Variants in SLIT2 observed in about 807,000 individuals in gnomAD.
SLIT2 encodes slit guidance ligand 2.
In SLIT2, 41 loss-of-function variants were observed where a neutral mutation model predicts 185.7. The observed-to-expected ratio is 0.22, with a 90% CI of 0.17 to 0.29. The LOEUF (loss-of-function observed/expected upper bound fraction) is 0.29. Among genes scored for constraint, SLIT2 ranks in the 10% least tolerant of loss-of-function variants. The pLI, the probability that SLIT2 is intolerant of heterozygous loss-of-function variation, is 1.00. For missense variants in SLIT2, 1,571 were observed against 1,909.0 expected, an observed-to-expected ratio of 0.82 and a Z score of 3.30; for synonymous variants, 693 against 680.2, an observed-to-expected ratio of 1.02 and a Z score of -0.29.
chr4:20,579,691 TA>T (rs954217479), intron 29 of SLIT2, among the ~76,000 whole-genome samples: 8 of 151,806 alleles, frequency 5.3e-5, no homozygotes, highest in Non-Finnish European at 8.8e-5. Flanking sequence ...GTTGGCGAAA[TA>T]AAAAAACCTC....
intron 4 of SLIT2, among the ~76,000 whole-genome samples, chr4:20,371,814 TAGAG>T (rs1723598911): frequency 6.6e-6 from 1 of 152,104 alleles, no homozygotes; most frequent in Admixed American, 6.6e-5. Flanking sequence ...TATGGAAATA[TAGAG>T]AGATTCAGCC....
At chr4:20,561,260 C>G (rs984502372) in intron 26 of SLIT2, among the ~76,000 whole-genome samples, 2 of 151,804 alleles carry the variant, frequency 1.3e-5, no homozygotes, top group Non-Finnish European at 2.9e-5. Flanking sequence ...TGGCATAACC[C>G]ATGATAATCA....
At chr4:20,416,255 C>G (rs1457554368) in intron 4 of SLIT2, among the ~76,000 whole-genome samples, 1 of 152,102 alleles carries the variant, frequency 6.6e-6, no homozygotes, top group Non-Finnish European at 1.5e-5. Flanking sequence ...TTCAAGGCAC[C>G]AGCAGATTTG....
intron 11 of SLIT2, among the ~76,000 whole-genome samples, chr4:20,511,595 T>TTTTTTTTTTTTTTTTTTTTTA (rs1211611464): frequency 7.3e-6 from 1 of 137,828 alleles, no homozygotes; most frequent in African/African-American, 2.7e-5. Flanking sequence ...TAATTTTTTT[T>TTTTTTTTTTTTTTTTTTTTTA]TTTTTTTTAT....
Position 20,569,176 on chromosome 4 carries a change from CA to C in SLIT2, c.3088+175del, listed in dbSNP as rs1725354052. On this transcript the variant is annotated intron_variant, in intron 29 of 36. Coordinates refer to ENST00000504154, the MANE Select transcript of SLIT2 (RefSeq NM_004787.4). ...GGACTTAAAGATAGTTTCAGCTAAC[CA>C]AATAAAAGACCCAGGAATCTCTGTT... 4.9e-6 allele frequency: 3 copies of C among 607,934 alleles called. No individual in the cohort carries two copies. In the South Asian group the frequency reaches 6.0e-5, roughly 12 times the overall value. The allele number at this position is 607,934 out of a possible 1,614,324, so 37.7% of individuals were successfully genotyped here. A position where few individuals can be genotyped will look rare whatever the true frequency, so the allele number is the denominator to read the frequency against.
At chr4:20,362,728 C>T (rs1004171068) in intron 4 of SLIT2, among the ~76,000 whole-genome samples, 1 of 151,852 alleles carries the variant, frequency 6.6e-6, no homozygotes, top group Admixed American at 6.6e-5. Context: ...AACAAACGCA[C>T]AAACATGGAT....
At chr4:20,458,088 C>CAAAAAAAA (rs10672353) in intron 4 of SLIT2, among the ~76,000 whole-genome samples, 1 of 112,910 alleles carries the variant, frequency 8.9e-6, no homozygotes. Context: ...ACACATTATG[C>CAAAAAAAA]AAAAAAAAAA....
intron 4 of SLIT2, among the ~76,000 whole-genome samples, chr4:20,402,963 T>G (rs989528651): frequency 5.3e-5 from 8 of 151,846 alleles, no homozygotes; most frequent in African/African-American, 1.9e-4. Context: ...TTTCTCGAGA[T>G]ATATCTAAAT....
intron 29 of SLIT2, among the ~76,000 whole-genome samples, chr4:20,581,803 G>A (rs1239964566): frequency 2.0e-5 from 3 of 152,150 alleles, no homozygotes. Context: ...GAGTAGTGCA[G>A]TGGTGCAATC....
intron 9 of SLIT2, among the ~76,000 whole-genome samples, chr4:20,495,730 C>T (rs143611821): frequency 2.6e-5 from 4 of 152,170 alleles, no homozygotes; most frequent in African/African-American, 9.6e-5. Flanking sequence ...AATTTTACTT[C>T]CCTGATTATT....
chr4:20,596,508 C>T lies in SLIT2; in HGVS notation c.3414C>T (p.Val1138=), dbSNP rs1727994384. 1 of 1,613,918 alleles carries T rather than the reference C, an allele frequency of 6.2e-7. No homozygotes were observed. Among genetic ancestry groups the T allele is most frequent in the Admixed American group, 1.7e-5 (1 of 60,002 alleles). Residue 1138 remains valine, a synonymous_variant, in exon 32 of 37, where the codon GTC becomes GTT. Coordinates refer to ENST00000504154, the MANE Select transcript of SLIT2 (RefSeq NM_004787.4). ...FDCQNGAQCI[V]RINEPICQCL... ...GTCAGAATGGAGCTCAGTGTATCGT[C>T]AGAATAAATGAGCCAATATGTCAGT...
At chr4:20,481,819 T>C (rs1216839432) in intron 6 of SLIT2, among the ~76,000 whole-genome samples, 1 of 151,980 alleles carries the variant, frequency 6.6e-6, no homozygotes, top group Non-Finnish European at 1.5e-5. Flanking sequence ...TGCAAGAAAA[T>C]AGAATTTCCA....
In SLIT2 at chr4:20,555,467, T is replaced by C. The variant is rs114084309; in HGVS notation, c.2725+1499T>C. On this transcript the variant is annotated intron_variant, in intron 26 of 36. Coordinates refer to ENST00000504154, the MANE Select transcript of SLIT2 (RefSeq NM_004787.4). Reference sequence around the variant, plus strand: ...TCATTGTAAGCAAAGGTGGTGATGGTTACAGTCTGAAAGGATTTTGTTAAG... The same window carrying C: ...TCATTGTAAGCAAAGGTGGTGATGGCTACAGTCTGAAAGGATTTTGTTAAG... 2.7e-3 allele frequency among the ~76,000 whole-genome samples: 407 copies of C among 152,150 alleles called. 5 individuals are homozygous for C. The highest frequency in any genetic ancestry group is 9.4e-3 in the African/African-American group (390 of 41,452).
At chr4:20,567,453 C>A in intron 27 of SLIT2, 65 bp from the exon 28 acceptor site, 1 of 1,609,642 alleles carries the variant, frequency 6.2e-7, no homozygotes, top group Non-Finnish European at 8.5e-7. Flanking sequence ...CTTTATTATT[C>A]TACTGTGCTT....
At chr4:20,357,813 A>G (rs955550268) in intron 4 of SLIT2, among the ~76,000 whole-genome samples, 7 of 152,128 alleles carry the variant, frequency 4.6e-5, no homozygotes, top group Non-Finnish European at 7.4e-5. Flanking sequence ...TCTTAATTGT[A>G]CAATATTAAT....
In SLIT2 at chr4:20,598,325, G is replaced by A; in HGVS notation, c.3622G>A (p.Val1208Ile). ...LYKGDKDHIA[V>I]ELYRGRVRAS... Reference sequence around the variant, plus strand: ...TAAGGGTGACAAAGACCATATCGCGGTAGAACTCTATCGGGGGCGTGTTCG... The same window carrying A: ...TAAGGGTGACAAAGACCATATCGCGATAGAACTCTATCGGGGGCGTGTTCG... Residue 1208 changes from valine (V) to isoleucine (I), a missense_variant, in exon 33 of 37, where the codon GTA becomes ATA. Transcript: ENST00000504154. 1 of 1,614,092 alleles carries A rather than the reference G, an allele frequency of 6.2e-7. No homozygotes were observed. Among genetic ancestry groups the A allele is most frequent in the Non-Finnish European group, 8.5e-7 (1 of 1,179,978 alleles).
intron 4 of SLIT2, among the ~76,000 whole-genome samples, chr4:20,381,843 C>T (rs1463135496): frequency 6.6e-6 from 1 of 151,630 alleles, no homozygotes; most frequent in Non-Finnish European, 1.5e-5. Context: ...ATACAAAAAT[C>T]AGAAAAATTC....
chr4:20,521,762 T>C (rs1335863350), intron 12 of SLIT2, among the ~76,000 whole-genome samples: 2 of 152,062 alleles, frequency 1.3e-5, no homozygotes, highest in Non-Finnish European at 2.9e-5. Flanking sequence ...TGAGTCACCG[T>C]GAGAAAGTCA....
intron 4 of SLIT2, among the ~76,000 whole-genome samples, chr4:20,463,491 A>ATGTGTGTG (rs1337282350): frequency 1.6e-4 from 15 of 96,228 alleles, no homozygotes; most frequent in African/African-American, 5.9e-4. Context: ...ATATATATAT[A>ATGTGTGTG]TGTGTGTGTG....
Sources: allele counts gnomAD v4.1 joint callset (sites outside exome capture counted in the v4.1 genomes callset), GRCh38; gene constraint gnomAD v4.1.1; transcripts MANE v1.5; gene names NCBI Gene and HGNC (gene_info 2026-07-23, HGNC 2026-07-21).